Variants in NAALADL2 observed in about 807,000 individuals in gnomAD.
NAALADL2 encodes inactive N-acetylated-alpha-linked acidic dipeptidase-like protein 2.
A neutral mutation model predicts 87.2 loss-of-function variants in NAALADL2; 76 were observed. The observed-to-expected ratio is 0.87, with a 90% CI of 0.72 to 1.05. The LOEUF (loss-of-function observed/expected upper bound fraction) is 1.05, where lower values mean the gene tolerates loss of function less well. NAALADL2 is among the 50% of genes least tolerant of loss of function. NAALADL2 has a pLI of 0.00. For synonymous variants in NAALADL2, 354 were observed against 331.0 expected (o/e 1.07, Z -0.75); for missense variants, 1,089 against 945.8 (o/e 1.15, Z -1.99).
At chr3:174,641,727 T>C (rs1723205476) in intron 2 of NAALADL2, among the ~76,000 whole-genome samples, 1 of 151,516 alleles carries the variant, frequency 6.6e-6, no homozygotes, top group Non-Finnish European at 1.5e-5. Flanking sequence ...TTAAGCCAAA[T>C]AGTGACTTTC....
chr3:174,981,549 CAT>C (rs1341635880), intron 1 of NAALADL2, among the ~76,000 whole-genome samples: 4 of 152,072 alleles, frequency 2.6e-5, no homozygotes, highest in African/African-American at 4.8e-5. Flanking sequence ...CAGAAGTGTT[CAT>C]ATAGAGTTTA....
chr3:174,760,575 G>T (rs947176787), intron 3 of NAALADL2, among the ~76,000 whole-genome samples: 9 of 152,180 alleles, frequency 5.9e-5, no homozygotes, highest in Non-Finnish European at 1.3e-4. Context: ...ATATGTGATA[G>T]CATCACTGAG....
At chr3:175,467,269 C>T in intron 8 of NAALADL2, 85 bp downstream of exon 8, 2 of 1,090,736 alleles carry the variant, frequency 1.8e-6, no homozygotes, top group Non-Finnish European at 2.7e-6. Context: ...AAGCCAAGGG[C>T]AATAATGTGC....
chr3:174,534,003 A>T (rs1418717543), intron 1 of NAALADL2, among the ~76,000 whole-genome samples: 2 of 152,200 alleles, frequency 1.3e-5, no homozygotes, highest in African/African-American at 4.8e-5. Context: ...CATGACAATA[A>T]TTTTTTAAAA....
intron 11 of NAALADL2, among the ~76,000 whole-genome samples, chr3:175,701,808 A>C (rs554450931): frequency 2.0e-5 from 3 of 152,220 alleles, no homozygotes; most frequent in Non-Finnish European, 4.4e-5. Context: ...ACAGGATGGC[A>C]TTATTGTAAT....
intron 1 of NAALADL2, among the ~76,000 whole-genome samples, chr3:174,911,668 A>G (rs1032122172): frequency 6.6e-6 from 1 of 152,084 alleles, no homozygotes; most frequent in Non-Finnish European, 1.5e-5. Context: ...AGCTACTTCA[A>G]TTTGGGTTTC....
At chr3:175,472,359 T>C (rs1192969609) in intron 9 of NAALADL2, among the ~76,000 whole-genome samples, 1 of 152,204 alleles carries the variant, frequency 6.6e-6, no homozygotes, top group East Asian at 1.9e-4. Flanking sequence ...TTAAAAAATT[T>C]AGCAGAACAT....
intron 2 of NAALADL2, among the ~76,000 whole-genome samples, chr3:174,660,731 T>C (rs1725427033): frequency 6.6e-6 from 1 of 152,104 alleles, no homozygotes; most frequent in Non-Finnish European, 1.5e-5. Flanking sequence ...ACATTGTACT[T>C]TTTTAATAAA....
chr3:175,518,757 A>G (rs1012117595), intron 9 of NAALADL2, among the ~76,000 whole-genome samples: 7 of 152,208 alleles, frequency 4.6e-5, no homozygotes, highest in African/African-American at 1.4e-4. Flanking sequence ...CCCATTCATG[A>G]GGGCAGAACC....
At chr3:175,706,976 A>C (rs1739811223) in intron 11 of NAALADL2, among the ~76,000 whole-genome samples, 1 of 152,152 alleles carries the variant, frequency 6.6e-6, no homozygotes, top group Non-Finnish European at 1.5e-5. Flanking sequence ...CTATATGTAT[A>C]TAATGGATTA....
chr3:175,084,792 A>G (rs1342576215), intron 1 of NAALADL2, among the ~76,000 whole-genome samples: 1 of 152,214 alleles, frequency 6.6e-6, no homozygotes, highest in Non-Finnish European at 1.5e-5. Context: ...TGGAACCAAA[A>G]TGAAAAAGTC....
Position 175,242,002 on chromosome 3 carries a change from C to T in NAALADL2, c.819+7798C>T, listed in dbSNP as rs1300593701. ...TCAGCCTCCCAAGTAGCTGGGATTACAGGCACGCGCCCCCATGCCCAGCAA... is the reference window on the plus strand; with the variant it reads ...TCAGCCTCCCAAGTAGCTGGGATTATAGGCACGCGCCCCCATGCCCAGCAA... On this transcript the variant is annotated intron_variant, in intron 3 of 13. Transcript: ENST00000454872. Among the ~76,000 whole-genome samples the T allele has an allele frequency of 5.3e-5, 8 of 151,600 alleles. 2 individuals are homozygous for T. The Middle Eastern group carries it at 0.017, about 324-fold the overall frequency.
chr3:174,759,221 T>G (rs1044884562), intron 3 of NAALADL2, among the ~76,000 whole-genome samples: 29 of 152,366 alleles, frequency 1.9e-4, no homozygotes, highest in African/African-American at 6.7e-4. Flanking sequence ...TGCTGTGTTG[T>G]TAATTTGCAT....
rs192595190 is a variant in NAALADL2, at chr3:175,467,013, T to C, written c.1362T>C (p.Thr454=). The C allele has an allele frequency of 1.3e-3, 2,052 of 1,613,842 alleles. No homozygotes were observed. Among genetic ancestry groups the C allele is most frequent in the Non-Finnish European group, 1.6e-3 (1,850 of 1,179,758 alleles). Residue 454 remains threonine (T), a synonymous_variant, in exon 8 of 14, where the codon ACT becomes ACC. Coordinates refer to ENST00000454872, the MANE Select transcript of NAALADL2 (RefSeq NM_207015.3). ...RYIIVGSHHH[T]AHSYNGQEWA... Reference sequence around the variant, plus strand: ...TCATAGTTGGCAGCCATCATCACACTGCACACAGTTATAATGGACAAGAAT... The same window carrying C: ...TCATAGTTGGCAGCCATCATCACACCGCACACAGTTATAATGGACAAGAAT...
At chr3:175,277,702 G>T (rs1012090176) in intron 4 of NAALADL2, among the ~76,000 whole-genome samples, 6 of 152,034 alleles carry the variant, frequency 3.9e-5, no homozygotes, top group African/African-American at 1.2e-4. Flanking sequence ...AAAATGCTTA[G>T]AATTATTTAT....
chr3:175,404,769 T>C (rs2149070662), intron 5 of NAALADL2, among the ~76,000 whole-genome samples: 1 of 152,290 alleles, frequency 6.6e-6, no homozygotes, highest in South Asian at 2.1e-4. Context: ...CTGAACCATG[T>C]ACAAGTTGAC....
intron 5 of NAALADL2, among the ~76,000 whole-genome samples, chr3:175,379,482 C>T (rs548008002): frequency 2.7e-4 from 41 of 151,630 alleles, no homozygotes; most frequent in African/African-American, 8.0e-4. Context: ...TCTGTTTTTA[C>T]GTCTCGTATG....
intron 5 of NAALADL2, among the ~76,000 whole-genome samples, chr3:175,385,670 A>G (rs373231811): frequency 2.6e-5 from 4 of 152,174 alleles, no homozygotes; most frequent in South Asian, 2.1e-4. Flanking sequence ...ATTTCAGGTG[A>G]CGGGTCTCCC....
intron 3 of NAALADL2, among the ~76,000 whole-genome samples, chr3:174,838,468 A>G (rs2109407697): frequency 6.6e-6 from 1 of 152,302 alleles, no homozygotes; most frequent in Middle Eastern, 3.4e-3. Context: ...ACTCCTCTCC[A>G]GCATAGTACT....
Sources: gnomAD v4.1 joint callset for allele counts (sites outside exome capture counted in the v4.1 genomes callset) on GRCh38, gnomAD v4.1.1 for gene constraint, MANE v1.5 for transcripts, NCBI Gene and HGNC (gene_info 2026-07-23, HGNC 2026-07-21) for gene names.